The following CLECL1 variants were observed in gnomAD, a reference collection of about 807,000 sequenced individuals.
CLECL1 encodes the protein C-type lectin like 1.
chr12:9,712,502 T>G (rs1866207247), downstream of CLECL1, among the ~76,000 whole-genome samples: 1 of 152,234 alleles, frequency 6.6e-6, no homozygotes, highest in Non-Finnish European at 1.5e-5. Flanking sequence ...AAATGAAATC[T>G]TTTTATTTCT....
chr12:9,727,271 A>G (rs1471502123), intron 3 of CLECL1, among the ~76,000 whole-genome samples: 2 of 151,772 alleles, frequency 1.3e-5, no homozygotes, highest in African/African-American at 4.8e-5. Flanking sequence ...TTTAACCCCA[A>G]CCTGTGCTTG....
At chr12:9,702,601 G>A in the CLECL1 span, among the ~76,000 whole-genome samples, 2 of 152,124 alleles carry the variant, frequency 1.3e-5, no homozygotes, top group African/African-American at 4.8e-5. Context: ...GTATTTCCCT[G>A]CTTCCCACCC....
chr12:9,708,944 C>A, the CLECL1 span: 16 of 243,402 alleles, frequency 6.6e-5, no homozygotes, highest in South Asian at 7.3e-4. Context: ...ATTGGGACGG[C>A]TTTGACCCTC....
upstream of CLECL1, chr12:9,733,381 G>T: frequency 1.5e-6 from 1 of 651,782 alleles, no homozygotes; most frequent in Non-Finnish European, 2.6e-6. Flanking sequence ...TCCTCTTTTA[G>T]TTCAGGCATA....
At chr12:9,704,765 T>C in the CLECL1 span, among the ~76,000 whole-genome samples, 1 of 152,222 alleles carries the variant, frequency 6.6e-6, no homozygotes, top group African/African-American at 2.4e-5. Flanking sequence ...GGCTGCATAG[T>C]ATTCCATGGT....
chr12:9,707,327 T>C, the CLECL1 span, among the ~76,000 whole-genome samples: 1 of 152,224 alleles, frequency 6.6e-6, no homozygotes, highest in Non-Finnish European at 1.5e-5. Flanking sequence ...AAAAGTTTTA[T>C]ACAAAATTAG....
chr12:9,727,923 A>T (rs1866399216), intron 2 of CLECL1, among the ~76,000 whole-genome samples: 1 of 151,776 alleles, frequency 6.6e-6, no homozygotes. Flanking sequence ...AAGCACTTGA[A>T]TTTTTTCCTG....
upstream of CLECL1, among the ~76,000 whole-genome samples, chr12:9,733,856 A>G (rs891625501): frequency 1.3e-5 from 2 of 152,238 alleles, no homozygotes; most frequent in East Asian, 1.9e-4. Flanking sequence ...GTCTAAAACA[A>G]TAACACAAAG....
the CLECL1 span, among the ~76,000 whole-genome samples, chr12:9,703,028 T>C: frequency 5.3e-5 from 8 of 152,224 alleles, no homozygotes; most frequent in Non-Finnish European, 8.8e-5. Context: ...TCTCTACTTA[T>C]AATAAACAGA....
chr12:9,733,681 ACT>A (rs983734723), upstream of CLECL1, among the ~76,000 whole-genome samples: 5 of 152,154 alleles, frequency 3.3e-5, no homozygotes, highest in South Asian at 2.1e-4. Context: ...AACAGAAATA[ACT>A]CTGTTAAAAT....
chr12:9,718,250 A>AT (rs35651937), downstream of CLECL1, among the ~76,000 whole-genome samples: 38,253 of 151,980 alleles, frequency 0.25, 6,808 homozygotes, highest in African/African-American at 0.51. Flanking sequence ...CCACATGAAC[A>AT]TTCATGTGCA....
At chr12:9,730,961 C>G (rs754994093) in intron 1 of CLECL1, among the ~76,000 whole-genome samples, 5 of 152,320 alleles carry the variant, frequency 3.3e-5, no homozygotes, top group African/African-American at 1.2e-4. Flanking sequence ...GTTGGGATTA[C>G]AGGCGTCAGC....
At chr12:9,721,675 T>C (rs1866314497), downstream of CLECL1, among the ~76,000 whole-genome samples, 2 of 152,214 alleles carry the variant, frequency 1.3e-5, no homozygotes, top group African/African-American at 4.8e-5. Context: ...TATTTATTGT[T>C]GATTCTTTAG....
intron 1 of CLECL1, among the ~76,000 whole-genome samples, chr12:9,732,107 CA>C (rs1485094452): frequency 6.6e-6 from 1 of 152,116 alleles, no homozygotes; most frequent in Non-Finnish European, 1.5e-5. Flanking sequence ...AAAGGACACA[CA>C]CTAGATTCCT....
downstream of CLECL1, among the ~76,000 whole-genome samples, chr12:9,713,616 T>C (rs2121033550): frequency 6.6e-6 from 1 of 152,368 alleles, no homozygotes; most frequent in South Asian, 2.1e-4. Context: ...CATTTGAGAC[T>C]CTCACTTTTT....
chr12:9,723,202 T>C (rs1336026694), intron 3 of CLECL1, among the ~76,000 whole-genome samples: 3 of 152,198 alleles, frequency 2.0e-5, no homozygotes, highest in Non-Finnish European at 2.9e-5. Context: ...TGGGAGTTTA[T>C]ATCACACTAG....
chr12:9,702,578 C>A, the CLECL1 span, among the ~76,000 whole-genome samples: 1 of 152,072 alleles, frequency 6.6e-6, no homozygotes, highest in Non-Finnish European at 1.5e-5. Context: ...TTGGGACAGC[C>A]CTCTTCTGCC....
At chr12:9,725,887 A>C (rs1029731646) in intron 3 of CLECL1, among the ~76,000 whole-genome samples, 1 of 152,026 alleles carries the variant, frequency 6.6e-6, no homozygotes, top group Non-Finnish European at 1.5e-5. Context: ...GTAATAATCT[A>C]TATATTGGTG....
At chr12:9,722,409 C>T (rs1268400108), downstream of CLECL1, 2 of 657,890 alleles carry the variant, frequency 3.0e-6, no homozygotes, top group Admixed American at 4.1e-5. Context: ...AAGCAATGGT[C>T]CCTTGGAGAG....
Sources: allele counts gnomAD v4.1 joint callset (sites outside exome capture counted in the v4.1 genomes callset), GRCh38; gene constraint gnomAD v4.1.1; transcripts MANE v1.5; gene names NCBI Gene and HGNC (gene_info 2026-07-23, HGNC 2026-07-21).